STPG2: variants seen among roughly 807,000 people sequenced by gnomAD.
The protein encoded by STPG2 is sperm tail PG-rich repeat containing 2.
Under a neutral mutation model 54.2 loss-of-function variants are expected in STPG2, and 56 were observed. The ratio of observed to expected loss-of-function variants is 1.03; its 90% CI spans 0.83 to 1.29. The LOEUF is 1.29. Among genes scored for constraint, STPG2 ranks in the 50% most tolerant of loss-of-function variants. The pLI is 0.00. For missense variants in STPG2, 596 were observed against 544.9 expected (o/e 1.09, Z -0.93); for synonymous variants, 200 against 181.8 (o/e 1.10, Z -0.81).
intron 9 of STPG2, among the ~76,000 whole-genome samples, chr4:97,767,197 T>C (rs1311214759): frequency 1.3e-5 from 2 of 152,180 alleles, no homozygotes; most frequent in Admixed American, 1.3e-4. Context: ...TTACCAATTA[T>C]GTTTATTTTT....
chr4:98,014,089 T>C (rs1416376476), intron 5 of STPG2, among the ~76,000 whole-genome samples: 1 of 152,186 alleles, frequency 6.6e-6, no homozygotes, highest in Non-Finnish European at 1.5e-5. Flanking sequence ...TCCTTCTATC[T>C]TTCCCTTGTG....
At chr4:97,951,162 A>G (rs943555829) in intron 7 of STPG2, among the ~76,000 whole-genome samples, 1 of 152,098 alleles carries the variant, frequency 6.6e-6, no homozygotes, top group African/African-American at 2.4e-5. Context: ...CTCCTGACTC[A>G]CTGTCCCCTA....
intron 8 of STPG2, among the ~76,000 whole-genome samples, chr4:97,908,777 A>G (rs1223858037): frequency 2.0e-5 from 3 of 149,590 alleles, no homozygotes; most frequent in African/African-American, 7.4e-5. Context: ...AAAAAACCAA[A>G]CACCGCATAT....
intron 5 of STPG2, among the ~76,000 whole-genome samples, chr4:98,027,005 C>T (rs1342503410): frequency 6.6e-6 from 1 of 152,210 alleles, no homozygotes; most frequent in Admixed American, 6.5e-5. Flanking sequence ...AAGGAACATT[C>T]ACCAGGTTGT....
intron 8 of STPG2, among the ~76,000 whole-genome samples, chr4:97,882,941 T>C (rs1730430370): frequency 6.6e-6 from 1 of 150,512 alleles, no homozygotes. Context: ...AAAACATAAA[T>C]AAATTTTGTA....
intron 10 of STPG2, 76 bp from the exon 11 acceptor site, chr4:97,559,193 A>C: frequency 2.1e-6 from 2 of 931,632 alleles, no homozygotes; most frequent in Non-Finnish European, 3.3e-6. Context: ...TTATTTAAAC[A>C]TTACCAAAGA....
chr4:97,493,697 C>T (rs1273523313), intron 4 of STPG2, among the ~76,000 whole-genome samples: 2 of 151,322 alleles, frequency 1.3e-5, no homozygotes, highest in African/African-American at 2.4e-5. Context: ...TTTTAGATTC[C>T]CATGAAAAAG....
chr4:97,756,470 C>T lies in STPG2; in HGVS notation c.1205-43656G>A, dbSNP rs190167297. Among the ~76,000 whole-genome samples the T allele has an allele frequency of 5.7e-3, 866 of 152,056 alleles. 5 individuals are homozygous for T. The highest frequency in any genetic ancestry group is 0.02 in the Middle Eastern group (6 of 294). On this transcript the variant is annotated intron_variant, in intron 9 of 10. Transcript: ENST00000295268. ...CCAAGTAGCTGGGATTACAGGTGCCCGCCACCATGCCCGGCTAATTTTTTT... is the reference window on the plus strand; with the variant it reads ...CCAAGTAGCTGGGATTACAGGTGCCTGCCACCATGCCCGGCTAATTTTTTT...
At chr4:98,019,370 A>G (rs1268089684) in intron 5 of STPG2, among the ~76,000 whole-genome samples, 2 of 151,866 alleles carry the variant, frequency 1.3e-5, no homozygotes, top group Non-Finnish European at 1.5e-5. Flanking sequence ...TGTTCCATTG[A>G]TCTATATCTC....
intron 2 of STPG2, among the ~76,000 whole-genome samples, chr4:98,131,322 G>A (rs549659458): frequency 6.6e-6 from 1 of 152,104 alleles, no homozygotes; most frequent in South Asian, 2.1e-4. Flanking sequence ...TTATTTTCCT[G>A]TTAAAATTAT....
chr4:97,688,479 G>C (rs1723267177), intron 10 of STPG2, among the ~76,000 whole-genome samples: 1 of 152,008 alleles, frequency 6.6e-6, no homozygotes, highest in African/African-American at 2.4e-5. Flanking sequence ...CCATTCTCCT[G>C]CCTCAGCCTC....
intron 8 of STPG2, among the ~76,000 whole-genome samples, chr4:97,883,409 T>TAG (rs531520148): frequency 2.7e-5 from 4 of 148,136 alleles, no homozygotes; most frequent in African/African-American, 5.0e-5. Flanking sequence ...AAAAAAAAAA[T>TAG]AGAGAGAGAG....
chr4:97,933,478 A>C (rs764537640), intron 8 of STPG2, among the ~76,000 whole-genome samples: 1 of 152,088 alleles, frequency 6.6e-6, no homozygotes, highest in Non-Finnish European at 1.5e-5. Flanking sequence ...ATTTTCCCCC[A>C]GGGTTTTTAC....
chr4:97,577,738 T>A (rs1732758636), intron 10 of STPG2, among the ~76,000 whole-genome samples: 1 of 152,138 alleles, frequency 6.6e-6, no homozygotes, highest in African/African-American at 2.4e-5. Flanking sequence ...AACAAACATA[T>A]AAAAATAAAT....
chr4:98,085,455 T>A (rs1034192746), intron 5 of STPG2, among the ~76,000 whole-genome samples: 1 of 152,098 alleles, frequency 6.6e-6, no homozygotes, highest in East Asian at 1.9e-4. Flanking sequence ...TACTATTACA[T>A]TGAATCCGTA....
At chr4:97,951,673 G>A (rs1037703393) in intron 7 of STPG2, among the ~76,000 whole-genome samples, 2 of 152,014 alleles carry the variant, frequency 1.3e-5, no homozygotes, top group East Asian at 3.9e-4. Context: ...CAGTGTGTGA[G>A]CAAGTTCACT....
chr4:97,644,282 T>A (rs1012172021), intron 10 of STPG2, among the ~76,000 whole-genome samples: 4 of 151,950 alleles, frequency 2.6e-5, no homozygotes, highest in African/African-American at 9.7e-5. Context: ...ACATACAGCA[T>A]CAGGATACAT....
At chr4:97,999,866 G>T (rs936643814) in intron 5 of STPG2, among the ~76,000 whole-genome samples, 14 of 152,174 alleles carry the variant, frequency 9.2e-5, no homozygotes, top group African/African-American at 3.4e-4. Context: ...CATTGGAAGT[G>T]ATCTGTATAT....
chr4:97,601,882 T>C (rs766811355), intron 10 of STPG2, among the ~76,000 whole-genome samples: 7 of 152,036 alleles, frequency 4.6e-5, no homozygotes, highest in Non-Finnish European at 8.8e-5. Context: ...GTTGGGAGAA[T>C]TGAAACTTGA....
Sources: allele counts gnomAD v4.1 joint callset (sites outside exome capture counted in the v4.1 genomes callset), GRCh38; gene constraint gnomAD v4.1.1; transcripts MANE v1.5; gene names NCBI Gene and HGNC (gene_info 2026-07-23, HGNC 2026-07-21).